Variants in SUGCT observed in about 807,000 individuals in gnomAD.
SUGCT encodes succinyl-CoA:glutarate-CoA transferase, also known as succinyl-CoA:glutarate CoA-transferase.
Under a neutral mutation model 55.0 loss-of-function variants are expected in SUGCT, and 41 were observed. That is an observed-to-expected ratio of 0.74 (90% confidence interval 0.58 to 0.97). The LOEUF (loss-of-function observed/expected upper bound fraction) is 0.97. Among genes scored for constraint, SUGCT ranks in the 50% least tolerant of loss-of-function variants. The pLI is 0.00. For synonymous variants in SUGCT, 187 were observed against 200.4 expected (o/e 0.93, Z 0.56); for missense variants, 568 against 547.8 (o/e 1.04, Z -0.37).
intron 12 of SUGCT, among the ~76,000 whole-genome samples, chr7:40,715,261 C>T (rs1264511463): frequency 1.3e-5 from 2 of 152,188 alleles, no homozygotes; most frequent in East Asian, 3.8e-4. Flanking sequence ...GCAGCAAACA[C>T]AGCAAAGGTA....
intron 12 of SUGCT, among the ~76,000 whole-genome samples, chr7:40,699,693 A>G (rs1785093960): frequency 6.6e-6 from 1 of 151,804 alleles, no homozygotes; most frequent in Non-Finnish European, 1.5e-5. Flanking sequence ...ATACGGTGAA[A>G]CCTCATCTCT....
intron 12 of SUGCT, among the ~76,000 whole-genome samples, chr7:40,700,065 T>C (rs1201872117): frequency 6.6e-6 from 1 of 152,144 alleles, no homozygotes; most frequent in Non-Finnish European, 1.5e-5. Flanking sequence ...ATGTGTCTCT[T>C]GATTTACAGA....
At position 40,469,377 on chromosome 7, in the gene SUGCT, A is replaced by G. The variant is rs572887099; in HGVS notation, c.986+10179A>G. On this transcript the variant is annotated intron_variant, in intron 11 of 13. Coordinates refer to ENST00000335693, the MANE Select transcript of SUGCT (RefSeq NM_001193313.2). ...TGGTGAGGGTCACATTTGTTTTCTT[A>G]TGCATTCCTTGGCAGTGCTGCCATT... 2.0e-5 allele frequency among the ~76,000 whole-genome samples: 3 copies of G among 152,288 alleles called. No individual in the cohort carries two copies. In the South Asian group the frequency reaches 6.2e-4, roughly 32 times the overall value.
At chr7:40,486,384 A>T (rs774568527) in intron 11 of SUGCT, among the ~76,000 whole-genome samples, 10 of 151,928 alleles carry the variant, frequency 6.6e-5, no homozygotes, top group Non-Finnish European at 1.3e-4. Context: ...TGGACCCCTC[A>T]ATGATTTGTT....
chr7:40,338,467 A>G (rs972401347), intron 9 of SUGCT, among the ~76,000 whole-genome samples: 1 of 151,954 alleles, frequency 6.6e-6, no homozygotes, highest in African/African-American at 2.4e-5. Context: ...TTTTTTCTCT[A>G]AACTTCTCTT....
the SUGCT span, among the ~76,000 whole-genome samples, chr7:41,017,727 C>T: frequency 6.8e-6 from 1 of 147,362 alleles, no homozygotes; most frequent in Non-Finnish European, 1.5e-5. Flanking sequence ...GCCGAGATGG[C>T]ACCACTGTGC....
At chr7:40,669,216 C>T (rs1801807094) in intron 12 of SUGCT, among the ~76,000 whole-genome samples, 1 of 151,952 alleles carries the variant, frequency 6.6e-6, no homozygotes, top group Non-Finnish European at 1.5e-5. Context: ...AATGGGGAAC[C>T]TAGACTTCTA....
chr7:40,520,806 G>A (rs947182815), intron 12 of SUGCT, among the ~76,000 whole-genome samples: 15 of 152,122 alleles, frequency 9.9e-5, no homozygotes, highest in Admixed American at 9.8e-4. Context: ...ATGTGCCTCT[G>A]TAGAGTGTCT....
intron 1 of SUGCT, among the ~76,000 whole-genome samples, chr7:40,163,462 G>A (rs997198396): frequency 8.6e-5 from 13 of 151,906 alleles, no homozygotes; most frequent in African/African-American, 2.7e-4. Flanking sequence ...AAAATTAGCC[G>A]GGCGTGGTGG....
At chr7:40,885,181 G>C in the SUGCT span, among the ~76,000 whole-genome samples, 1 of 152,088 alleles carries the variant, frequency 6.6e-6, no homozygotes, top group Non-Finnish European at 1.5e-5. Context: ...AACGGCAGTA[G>C]AAGCAGAAAA....
chr7:40,282,179 A>G (rs559198251), intron 8 of SUGCT, among the ~76,000 whole-genome samples: 25 of 150,770 alleles, frequency 1.7e-4, no homozygotes, highest in Admixed American at 1.1e-3. Flanking sequence ...TCAAAGATCA[A>G]TTGACTGGCC....
At chr7:40,849,194 CT>C (rs539104468) in intron 13 of SUGCT, among the ~76,000 whole-genome samples, 160 of 151,934 alleles carry the variant, frequency 1.1e-3, no homozygotes, top group Middle Eastern at 6.8e-3. Flanking sequence ...TTTATGTATT[CT>C]TGATACTTTA....
chr7:40,498,342 A>G (rs1240656512), intron 12 of SUGCT, among the ~76,000 whole-genome samples: 3 of 152,196 alleles, frequency 2.0e-5, no homozygotes, highest in Non-Finnish European at 4.4e-5. Context: ...TCAGTACACA[A>G]TGTGTACCTG....
chr7:40,916,786 A>G, the SUGCT span, among the ~76,000 whole-genome samples: 1 of 152,182 alleles, frequency 6.6e-6, no homozygotes, highest in African/African-American at 2.4e-5. Context: ...TTTAACATTT[A>G]TTATTCATTT....
chr7:40,209,601 A>C (rs1787213213), intron 6 of SUGCT, among the ~76,000 whole-genome samples: 1 of 152,236 alleles, frequency 6.6e-6, no homozygotes, highest in Non-Finnish European at 1.5e-5. Flanking sequence ...GTTCGAGACC[A>C]GCCTGACCAA....
chr7:40,297,011 A>G (rs576216720), intron 8 of SUGCT, among the ~76,000 whole-genome samples: 20 of 152,280 alleles, frequency 1.3e-4, no homozygotes, highest in African/African-American at 4.8e-4. Flanking sequence ...GCCTCCAAGG[A>G]TTGCTGAGGA....
the SUGCT span, among the ~76,000 whole-genome samples, chr7:40,876,331 C>T: frequency 6.6e-6 from 1 of 152,110 alleles, no homozygotes; most frequent in Non-Finnish European, 1.5e-5. Flanking sequence ...TAGAACCATG[C>T]ATGCCAGAGC....
intron 7 of SUGCT, among the ~76,000 whole-genome samples, chr7:40,241,181 C>G (rs1357433755): frequency 2.6e-5 from 4 of 151,978 alleles, no homozygotes; most frequent in African/African-American, 4.8e-5. Flanking sequence ...AGTGATATTC[C>G]AAATATATAG....
At chr7:40,927,758 T>C in the SUGCT span, among the ~76,000 whole-genome samples, 9 of 152,308 alleles carry the variant, frequency 5.9e-5, no homozygotes, top group East Asian at 1.5e-3. Context: ...ACCACTAAAA[T>C]GGGATATAGA....
Sources: allele counts gnomAD v4.1 joint callset (sites outside exome capture counted in the v4.1 genomes callset), GRCh38; gene constraint gnomAD v4.1.1; transcripts MANE v1.5; gene names NCBI Gene and HGNC (gene_info 2026-07-23, HGNC 2026-07-21).